The following DOCK8 variants were observed in gnomAD, a reference collection of about 807,000 sequenced individuals.
DOCK8 encodes dedicator of cytokinesis 8.
DOCK8 carries 141 observed loss-of-function variants against 245.6 expected under a neutral mutation model. That is an observed-to-expected ratio of 0.57 (90% CI 0.50 to 0.66). DOCK8 has a LOEUF of 0.66. Ranked by LOEUF, DOCK8 falls within the 30% of genes least tolerant of loss-of-function variation. DOCK8 has a pLI of 0.00. For synonymous variants in DOCK8, 1,168 were observed against 970.2 expected (o/e 1.20, Z -3.79); for missense variants, 2,965 against 2,603.4 (o/e 1.14, Z -3.02).
intron 30 of DOCK8, among the ~76,000 whole-genome samples, chr9:419,220 C>T: frequency 6.6e-6 from 1 of 152,222 alleles, no homozygotes; most frequent in East Asian, 1.9e-4. Context: ...CCTGACCTAA[C>T]TCTTCTTGCT....
At chr9:380,018 T>C (rs1345777295) in intron 21 of DOCK8, 83 bp downstream of exon 21, 3 of 1,496,678 alleles carry the variant, frequency 2.0e-6, no homozygotes, top group Non-Finnish European at 2.7e-6. Flanking sequence ...AAATAAAACA[T>C]CCTATGCTGG....
At chr9:300,854 C>T (rs1469426319) in intron 4 of DOCK8, among the ~76,000 whole-genome samples, 1 of 152,006 alleles carries the variant, frequency 6.6e-6, no homozygotes. Context: ...ATCAGTAATA[C>T]AAAACCCACC....
chr9:231,379 A>G (rs1220840106), intron 1 of DOCK8, among the ~76,000 whole-genome samples: 1 of 152,092 alleles, frequency 6.6e-6, no homozygotes, highest in Non-Finnish European at 1.5e-5. Flanking sequence ...TGACTTGGTG[A>G]TGCAGGCTCT....
At chr9:243,691 G>A (rs371013483) in intron 1 of DOCK8, among the ~76,000 whole-genome samples, 10 of 152,022 alleles carry the variant, frequency 6.6e-5, no homozygotes, top group South Asian at 2.1e-4. Context: ...GCAGCCTCAA[G>A]TGGTTCCAGA....
intron 2 of DOCK8, among the ~76,000 whole-genome samples, chr9:275,449 C>T (rs2048306750): frequency 6.6e-6 from 1 of 152,122 alleles, no homozygotes; most frequent in Non-Finnish European, 1.5e-5. Context: ...CCTGACTGGA[C>T]ATTAAAATTA....
intron 2 of DOCK8, 29 bp from the exon 3 acceptor site, chr9:286,432 C>T (rs2048826177): frequency 6.2e-7 from 1 of 1,611,442 alleles, no homozygotes; most frequent in Non-Finnish European, 8.5e-7. Context: ...TGGGTGAGAA[C>T]CTCCTTTTCC....
chr9:215,381 C>T (rs1342538872), intron 1 of DOCK8: 11 of 1,586,226 alleles, frequency 6.9e-6, no homozygotes, highest in Non-Finnish European at 8.6e-6. Context: ...GTTGGGCGCG[C>T]CACGGAGTGT....
chr9:455,791 A>C (rs1181543622), intron 46 of DOCK8, among the ~76,000 whole-genome samples: 1 of 150,478 alleles, frequency 6.6e-6, no homozygotes, highest in Non-Finnish European at 1.5e-5. Flanking sequence ...AATAAATAAT[A>C]AAATAAAATT....
chr9:271,856 T>G, intron 2 of DOCK8, 127 bp downstream of exon 2: 1 of 690,524 alleles, frequency 1.4e-6, no homozygotes, highest in Non-Finnish European at 2.5e-6. Context: ...AGATCCTAAC[T>G]CTGTGACTGT....
chr9:241,751 C>G (rs1479757953), intron 1 of DOCK8, among the ~76,000 whole-genome samples: 1 of 152,056 alleles, frequency 6.6e-6, no homozygotes, highest in Non-Finnish European at 1.5e-5. Context: ...AGTGGGATTG[C>G]TAGATCATAT....
At chr9:216,632 A>C (rs1052594641) in intron 1 of DOCK8, among the ~76,000 whole-genome samples, 1 of 151,658 alleles carries the variant, frequency 6.6e-6, no homozygotes, top group African/African-American at 2.4e-5. Context: ...TAGCTGTTGC[A>C]TGCCAGGAGG....
At chr9:396,056 A>G (rs1480402309) in intron 24 of DOCK8, among the ~76,000 whole-genome samples, 2 of 152,126 alleles carry the variant, frequency 1.3e-5, no homozygotes, top group Non-Finnish European at 2.9e-5. Context: ...TAATCTGTAT[A>G]TAGATATTTT....
At chr9:397,190 A>G (rs2054501001) in intron 25 of DOCK8, among the ~76,000 whole-genome samples, 1 of 151,028 alleles carries the variant, frequency 6.6e-6, no homozygotes, top group Admixed American at 6.6e-5. Flanking sequence ...TGTCTCTACT[A>G]AAAATATAAA....
chr9:289,688 C>CAT, intron 4 of DOCK8, 107 bp downstream of exon 4: 1 of 1,006,330 alleles, frequency 9.9e-7, no homozygotes, highest in Non-Finnish European at 1.5e-6. Context: ...AGAAAAATTG[C>CAT]ATGGCAAATA....
intron 1 of DOCK8, among the ~76,000 whole-genome samples, chr9:259,881 C>A (rs2047874938): frequency 6.6e-6 from 1 of 152,220 alleles, no homozygotes; most frequent in Admixed American, 6.5e-5. Context: ...AGATTAGACT[C>A]ATGAAAGATG....
chr9:287,862 T>A (rs892319931), intron 3 of DOCK8, among the ~76,000 whole-genome samples: 3 of 152,166 alleles, frequency 2.0e-5, no homozygotes, highest in African/African-American at 7.2e-5. Flanking sequence ...GGTCAGAATC[T>A]TGGAAAAAGC....
intron 29 of DOCK8, among the ~76,000 whole-genome samples, chr9:417,034 C>G (rs895759534): frequency 6.6e-6 from 1 of 152,142 alleles, no homozygotes; most frequent in Admixed American, 6.5e-5. Flanking sequence ...GTGGCTCACC[C>G]CTGTAATCCC....
chr9:272,241 C>G (rs1431990436), intron 2 of DOCK8, among the ~76,000 whole-genome samples: 1 of 152,144 alleles, frequency 6.6e-6, no homozygotes, highest in Non-Finnish European at 1.5e-5. Context: ...ATATAGAACA[C>G]TTCTTTTATC....
chr9:307,756 T>C (rs1030597130), intron 5 of DOCK8, among the ~76,000 whole-genome samples: 1 of 152,138 alleles, frequency 6.6e-6, no homozygotes, highest in South Asian at 2.1e-4. Flanking sequence ...CAAAGAGACA[T>C]CTGCACTCCC....
Sources: gnomAD v4.1 joint callset for allele counts (sites outside exome capture counted in the v4.1 genomes callset) on GRCh38, gnomAD v4.1.1 for gene constraint, MANE v1.5 for transcripts, NCBI Gene and HGNC (gene_info 2026-07-23, HGNC 2026-07-21) for gene names.